The following DMD variants were observed in gnomAD, a reference collection of about 807,000 sequenced individuals.
DMD encodes mutant dystrophin.
DMD carries 63 observed loss-of-function variants against 330.1 expected under a neutral mutation model. The observed-to-expected ratio is 0.19, with a 90% CI of 0.16 to 0.24. The LOEUF (loss-of-function observed/expected upper bound fraction) is 0.24. DMD is among the 10% of genes least tolerant of loss of function. The pLI, the probability that DMD is intolerant of heterozygous loss-of-function variation, is 1.00. For synonymous variants in DMD, 1,223 were observed against 959.8 expected (o/e 1.27, Z -5.07); for missense variants, 3,344 against 2,684.1 (o/e 1.25, Z -5.43).
chrX:33,206,355 C>A (rs918194654), intron 1 of DMD, among the ~76,000 whole-genome samples: 6 of 111,513 alleles, frequency 5.4e-5, no homozygotes, highest in Non-Finnish European at 1.1e-4. Flanking sequence ...AGAACAACAA[C>A]AAACAACAAC....
intron 30 of DMD, among the ~76,000 whole-genome samples, chrX:32,394,921 A>AAAACAAAAC (rs1557326844): frequency 3.1e-5 from 2 of 63,759 alleles, no homozygotes. Context: ...AAAAACAAAA[A>AAAACAAAAC]AAAAAAAAAA....
At chrX:32,500,192 T>A (rs1054864146) in intron 19 of DMD, among the ~76,000 whole-genome samples, 1 of 111,068 alleles carries the variant, frequency 9.0e-6, no homozygotes, top group Non-Finnish European at 1.9e-5. Context: ...AGATGGATTA[T>A]TATTTTCACA....
intron 43 of DMD, among the ~76,000 whole-genome samples, chrX:32,243,848 A>C (rs1170954913): frequency 9.0e-6 from 1 of 111,216 alleles, no homozygotes; most frequent in East Asian, 2.8e-4. Flanking sequence ...CCCATACATC[A>C]TTAATTTTTC....
chrX:31,407,591 C>T (rs1400449720), intron 60 of DMD, among the ~76,000 whole-genome samples: 1 of 107,755 alleles, frequency 9.3e-6, no homozygotes, highest in Non-Finnish European at 1.9e-5. Context: ...CCTGCCTCAG[C>T]CTCCCGAGTA....
At chrX:32,996,957 AAC>A (rs918091764) in intron 2 of DMD, among the ~76,000 whole-genome samples, 1 of 112,288 alleles carries the variant, frequency 8.9e-6, no homozygotes, top group African/African-American at 3.2e-5. Flanking sequence ...ACTGAAATAA[AAC>A]AGATTAATGA....
At chrX:32,843,525 G>T (rs892576437) in intron 4 of DMD, among the ~76,000 whole-genome samples, 1 of 112,047 alleles carries the variant, frequency 8.9e-6, no homozygotes, top group Non-Finnish European at 1.9e-5. Flanking sequence ...ATTAATTGCT[G>T]CACAGTTTCC....
intron 1 of DMD, among the ~76,000 whole-genome samples, chrX:33,302,031 T>C (rs914382073): frequency 2.1e-4 from 23 of 111,891 alleles, no homozygotes; most frequent in African/African-American, 7.1e-4. Context: ...GTATTAAACA[T>C]ATTGGCTATA....
Position 31,769,443 on chromosome X carries a change from A to C in DMD, c.7542+4517T>G, listed in dbSNP as rs941830309. On this transcript the variant is annotated intron_variant, in intron 51 of 78. Coordinates refer to ENST00000357033, the MANE Select transcript of DMD (RefSeq NM_004006.3). The stretch of plus-strand genomic sequence containing the variant: ...TTATATTTCAGGTATTGGTATATGA[A>C]TGGTCTTTATTTCAGGTCTACACGT... Among the ~76,000 whole-genome samples, 4 of 112,011 alleles carry C rather than the reference A, an allele frequency of 3.6e-5. No individual in the cohort carries two copies. The Admixed American group carries it at 3.8e-4, about 11-fold the overall frequency.
intron 13 of DMD, among the ~76,000 whole-genome samples, chrX:32,593,110 G>A (rs2055118666): frequency 8.9e-6 from 1 of 112,939 alleles, no homozygotes; most frequent in Non-Finnish European, 1.9e-5. Flanking sequence ...CTGCCAGGCT[G>A]AGTGGGTGCA....
chrX:32,725,525 A>G (rs1188843054), intron 7 of DMD, among the ~76,000 whole-genome samples: 2 of 110,993 alleles, frequency 1.8e-5, no homozygotes, highest in African/African-American at 6.5e-5. Flanking sequence ...TTCAAGACAA[A>G]AACAAAGAGT....
At chrX:32,003,658 C>A (rs768042144) in intron 44 of DMD, among the ~76,000 whole-genome samples, 20 of 111,344 alleles carry the variant, frequency 1.8e-4, no homozygotes, top group Non-Finnish European at 1.9e-5. Context: ...CAGTTGGCCT[C>A]ACATTTGCCT....
intron 1 of DMD, among the ~76,000 whole-genome samples, chrX:33,282,931 C>G (rs1401094693): frequency 8.9e-6 from 1 of 112,130 alleles, no homozygotes; most frequent in African/African-American, 3.2e-5. Context: ...AAGCAGTTTG[C>G]TTTTCTCTGA....
intron 50 of DMD, among the ~76,000 whole-genome samples, chrX:31,799,151 T>C (rs1173259234): frequency 1.8e-5 from 2 of 112,292 alleles, no homozygotes; most frequent in African/African-American, 6.5e-5. Context: ...AATACGCTGA[T>C]TTCTATTTCT....
At chrX:33,218,672 A>C (rs772654810) in intron 1 of DMD, among the ~76,000 whole-genome samples, 2 of 111,669 alleles carry the variant, frequency 1.8e-5, no homozygotes, top group Non-Finnish European at 3.8e-5. Flanking sequence ...GGTATTTTTC[A>C]ATCATTATGT....
At position 32,107,661 on chromosome X, in the gene DMD, TTTAA is replaced by T. The variant is rs1164348129; in HGVS notation, c.6438+109251_6438+109254del. Among the ~76,000 whole-genome samples, 3 of 110,878 alleles carry T rather than the reference TTTAA, an allele frequency of 2.7e-5. No individual in the cohort carries two copies. In the East Asian group the frequency reaches 8.6e-4, roughly 32 times the overall value. ...TCAGTGTTTTTCTTCTATTCAGGCC[TTTAA>T]TTAATTACATGAAGTCTGCTCACAT... is the stretch of plus-strand genomic sequence containing the variant. On this transcript the variant is annotated intron_variant, in intron 44 of 78. Coordinates refer to ENST00000357033, the MANE Select transcript of DMD (RefSeq NM_004006.3).
chrX:31,687,377 T>C (rs2082752742), intron 52 of DMD, among the ~76,000 whole-genome samples: 1 of 111,309 alleles, frequency 9.0e-6, no homozygotes, highest in African/African-American at 3.3e-5. Flanking sequence ...GATTTCTGAG[T>C]CCTGGCCTAG....
intron 41 of DMD, among the ~76,000 whole-genome samples, chrX:32,328,065 T>C (rs1402151209): frequency 2.7e-5 from 3 of 111,698 alleles, no homozygotes; most frequent in Non-Finnish European, 3.8e-5. Context: ...TCACAAATAA[T>C]TATGTTAATT....
At chrX:32,337,209 G>A (rs1464121285) in intron 41 of DMD, among the ~76,000 whole-genome samples, 3 of 111,351 alleles carry the variant, frequency 2.7e-5, no homozygotes, top group South Asian at 7.6e-4. Flanking sequence ...ACATGGTAAT[G>A]TAAGAGAAAA....
chrX:33,008,587 A>G (rs2093444014), intron 2 of DMD, among the ~76,000 whole-genome samples: 1 of 109,865 alleles, frequency 9.1e-6, no homozygotes, highest in Non-Finnish European at 1.9e-5. Context: ...TAGCCCATGA[A>G]AGGATTGCAG....
Sources: gnomAD v4.1 joint callset for allele counts (sites outside exome capture counted in the v4.1 genomes callset) on GRCh38, gnomAD v4.1.1 for gene constraint, MANE v1.5 for transcripts, NCBI Gene and HGNC (gene_info 2026-07-23, HGNC 2026-07-21) for gene names.